The following NFIB variants were observed in gnomAD, a reference collection of about 807,000 sequenced individuals.
The protein encoded by NFIB is nuclear factor I B.
A neutral mutation model predicts 61.5 loss-of-function variants in NFIB; 11 were observed. The observed-to-expected ratio is 0.18, with a 90% CI of 0.11 to 0.30. NFIB has a LOEUF of 0.30. Ranked by LOEUF, NFIB falls within the 10% of genes least tolerant of loss-of-function variation. NFIB has a pLI of 1.00. For synonymous variants in NFIB, 260 were observed against 216.5 expected (o/e 1.20, Z -1.76); for missense variants, 471 against 608.9 (o/e 0.77, Z 2.38).
At chr9:14,517,387 C>T in the NFIB span, among the ~76,000 whole-genome samples, 1 of 152,198 alleles carries the variant, frequency 6.6e-6, no homozygotes. Context: ...AAAAGGGTGC[C>T]TGCTTATTCC....
chr9:14,520,278 T>C, the NFIB span, among the ~76,000 whole-genome samples: 2 of 152,230 alleles, frequency 1.3e-5, no homozygotes, highest in African/African-American at 4.8e-5. Flanking sequence ...ATTTTTTCCC[T>C]GAAACTTTCC....
chr9:14,529,397 T>C, the NFIB span, among the ~76,000 whole-genome samples: 6 of 152,094 alleles, frequency 3.9e-5, no homozygotes, highest in Non-Finnish European at 8.8e-5. Context: ...GGACACAATA[T>C]CCTTTCTTAC....
chr9:14,345,400 C>A (rs1276799882), intron 1 of NFIB, among the ~76,000 whole-genome samples: 1 of 152,146 alleles, frequency 6.6e-6, no homozygotes, highest in African/African-American at 2.4e-5. Context: ...AGCTCTTTTT[C>A]TTAATCCCAT....
At chr9:14,244,170 A>T (rs541727934) in intron 2 of NFIB, among the ~76,000 whole-genome samples, 50 of 152,340 alleles carry the variant, frequency 3.3e-4, no homozygotes, top group African/African-American at 1.2e-3. Context: ...AACTCCACAT[A>T]GAAGCACTAA....
intron 2 of NFIB, among the ~76,000 whole-genome samples, chr9:14,206,878 A>T (rs1389667585): frequency 6.6e-6 from 1 of 152,154 alleles, no homozygotes; most frequent in African/African-American, 2.4e-5. Context: ...CAACGCATAT[A>T]AAATTGTCAC....
At chr9:14,518,503 G>T in the NFIB span, among the ~76,000 whole-genome samples, 1 of 151,804 alleles carries the variant, frequency 6.6e-6, no homozygotes, top group Non-Finnish European at 1.5e-5. Context: ...GTATCCAGTG[G>T]TGAGATTGTG....
chr9:14,342,034 A>G (rs949295020), intron 1 of NFIB, among the ~76,000 whole-genome samples: 4 of 151,848 alleles, frequency 2.6e-5, no homozygotes, highest in African/African-American at 9.7e-5. Context: ...ACAATAGTTC[A>G]TTGGAACATA....
At chr9:14,425,467 G>A in the NFIB span, among the ~76,000 whole-genome samples, 4 of 152,098 alleles carry the variant, frequency 2.6e-5, no homozygotes, top group Admixed American at 1.3e-4. Context: ...GCCCAGCTGT[G>A]CACTTGATGC....
intron 6 of NFIB, among the ~76,000 whole-genome samples, chr9:14,130,958 G>A (rs1056884180): frequency 6.6e-6 from 1 of 152,164 alleles, no homozygotes; most frequent in Non-Finnish European, 1.5e-5. Flanking sequence ...GCATCAAGAT[G>A]CCAAACAAAA....
At chr9:14,380,803 C>G (rs975803407) in intron 1 of NFIB, among the ~76,000 whole-genome samples, 25 of 152,082 alleles carry the variant, frequency 1.6e-4, no homozygotes, top group African/African-American at 5.8e-4. Flanking sequence ...TAAAAAGAGT[C>G]TCAGTGACTG....
chr9:14,472,544 G>A, the NFIB span, among the ~76,000 whole-genome samples: 5 of 152,032 alleles, frequency 3.3e-5, no homozygotes, highest in African/African-American at 1.2e-4. Flanking sequence ...CTAGTAATTC[G>A]TTTTTATTAC....
chr9:14,489,386 C>T, the NFIB span, among the ~76,000 whole-genome samples: 2 of 152,168 alleles, frequency 1.3e-5, no homozygotes, highest in African/African-American at 2.4e-5. Flanking sequence ...TTCCCTATCA[C>T]GTACCATCTT....
the NFIB span, among the ~76,000 whole-genome samples, chr9:14,437,763 T>G: frequency 6.6e-6 from 1 of 152,232 alleles, no homozygotes; most frequent in Non-Finnish European, 1.5e-5. Flanking sequence ...GGCCAAGCTC[T>G]GTGTTCTCCT....
chr9:14,099,451 CAATGTTTTA>C (rs1481851646), intron 10 of NFIB, among the ~76,000 whole-genome samples: 6 of 152,084 alleles, frequency 3.9e-5, no homozygotes, highest in African/African-American at 1.2e-4. Context: ...AAAATTCTTT[CAATGTTTTA>C]AAAATAACCA....
At chr9:14,218,057 C>A (rs1215253722) in intron 2 of NFIB, among the ~76,000 whole-genome samples, 4 of 152,140 alleles carry the variant, frequency 2.6e-5, no homozygotes, top group Non-Finnish European at 5.9e-5. Flanking sequence ...TCCTGTATTA[C>A]TCTGTAGATT....
intron 1 of NFIB, among the ~76,000 whole-genome samples, chr9:14,392,686 T>C (rs1015345188): frequency 4.0e-5 from 6 of 151,540 alleles, no homozygotes; most frequent in African/African-American, 1.5e-4. Context: ...TGCCACTGCA[T>C]GATAACAAGG....
chr9:14,421,140 G>T, the NFIB span, among the ~76,000 whole-genome samples: 1 of 148,948 alleles, frequency 6.7e-6, no homozygotes, highest in Non-Finnish European at 1.5e-5. Context: ...CATTCATAAA[G>T]AGACAAGCCC....
At chr9:14,136,878 A>G (rs749371951) in intron 6 of NFIB, among the ~76,000 whole-genome samples, 4 of 152,166 alleles carry the variant, frequency 2.6e-5, no homozygotes, top group Non-Finnish European at 5.9e-5. Context: ...TTAATGGAAA[A>G]GTAGTCAAAA....
the NFIB span, among the ~76,000 whole-genome samples, chr9:14,414,545 T>C: frequency 6.8e-6 from 1 of 146,702 alleles, no homozygotes; most frequent in South Asian, 2.2e-4. Flanking sequence ...ATTTGTTTAG[T>C]GACCGTAAGT....
Sources: gnomAD v4.1 joint callset for allele counts (sites outside exome capture counted in the v4.1 genomes callset) on GRCh38, gnomAD v4.1.1 for gene constraint, MANE v1.5 for transcripts, NCBI Gene and HGNC (gene_info 2026-07-23, HGNC 2026-07-21) for gene names.